PXN: variants seen among roughly 807,000 people sequenced by gnomAD.
The protein encoded by PXN is testicular tissue protein Li 134.
PXN carries 61 observed loss-of-function variants against 103.6 expected under a neutral mutation model. The ratio of observed to expected loss-of-function variants is 0.59; its 90% confidence interval spans 0.48 to 0.73. PXN has a LOEUF of 0.73. Ranked by LOEUF, PXN falls within the 30% of genes least tolerant of loss-of-function variation. PXN has a pLI of 0.00. For missense variants in PXN, 1,274 were observed against 1,460.3 expected (o/e 0.87, Z 2.08); for synonymous variants, 562 against 607.8 (o/e 0.92, Z 1.11).
In PXN at chr12:120,265,299, G is replaced by A. The variant is rs921338526; in HGVS notation, c.13+318C>T. Among the ~76,000 whole-genome samples the A allele has an allele frequency of 3.3e-5, 5 of 152,234 alleles. No homozygotes were observed. Among genetic ancestry groups the A allele is most frequent in the Admixed American group, 6.5e-5 (1 of 15,302 alleles). On this transcript the variant is annotated intron_variant, in intron 1 of 14. Coordinates refer to ENST00000637617, the MANE Select transcript of PXN (RefSeq NM_001385981.1). This position sits in a 1 kb window ranked among gnomAD's most constrained non-coding sequence, Gnocchi z 5.7. ...GGAAGTCTCGTCCCTGCAGCGGACG[G>A]GGTGGGTCCCTGAGGGGCGGGCTGG...
In PXN at chr12:120,229,592, C is replaced by T. The variant is rs1245910857; in HGVS notation, c.14-5215G>A. On this transcript the variant is annotated intron_variant, in intron 1 of 14. Coordinates refer to ENST00000637617, the MANE Select transcript of PXN (RefSeq NM_001385981.1). The surrounding 1 kb of genome is among the most constrained non-coding windows in gnomAD (Gnocchi z 4.0). Reference sequence around the variant, plus strand: ...CTTGTCTGCCCAATAGGAATTCCACCATTTTACTCACAGGATTGGGACTAC... The same window carrying T: ...CTTGTCTGCCCAATAGGAATTCCACTATTTTACTCACAGGATTGGGACTAC... Among the ~76,000 whole-genome samples the T allele has an allele frequency of 6.6e-6, 1 of 152,166 alleles. No individual in the cohort carries two copies. Among genetic ancestry groups the T allele is most frequent in the Non-Finnish European group, 1.5e-5 (1 of 68,036 alleles).
In PXN at chr12:120,262,163, C is replaced by A. The variant is rs150346524; in HGVS notation, c.13+3454G>T. Among the ~76,000 whole-genome samples, 70 of 152,300 alleles carry A rather than the reference C, an allele frequency of 4.6e-4. No homozygotes were observed. The South Asian group carries it at 5.6e-3, about 12-fold the overall frequency. On this transcript the variant is annotated intron_variant, in intron 1 of 14. Coordinates refer to ENST00000637617, the MANE Select transcript of PXN (RefSeq NM_001385981.1). ...ATGCCCCAGGCAACTCCTCTGCCCC[C>A]CTAGCACTACCCCCAAGGACAATGA...
intron 1 of PXN, among the ~76,000 whole-genome samples, chr12:120,254,567 T>C (rs1328555463): frequency 1.3e-5 from 2 of 152,172 alleles, no homozygotes; most frequent in African/African-American, 4.8e-5. Context: ...TTTGTTTTTT[T>C]TGAAATGGAG....
chr12:120,255,601 G>C (rs1404588490), intron 1 of PXN, among the ~76,000 whole-genome samples: 83 of 152,020 alleles, frequency 5.5e-4, no homozygotes, highest in Non-Finnish European at 2.1e-4. Flanking sequence ...GGCTGAGGCA[G>C]AAGAATCACT....
At chr12:120,223,601 AC>A in intron 3 of PXN, 116 bp downstream of exon 3, 1 of 717,006 alleles carries the variant, frequency 1.4e-6, no homozygotes, top group Non-Finnish European at 2.3e-6. Context: ...AACCAGAATA[AC>A]CCCACAAGGC....
In PXN at chr12:120,245,223, C is replaced by T. The variant is rs139202990; in HGVS notation, c.13+20394G>A. ...AGCTGGAATGTGCGATTTTCTCAAA[C>T]GTGCACCACCGGAATGTGTCAGCAA... is the stretch of plus-strand genomic sequence containing the variant. On this transcript the variant is annotated intron_variant, in intron 1 of 14. Coordinates refer to ENST00000637617, the MANE Select transcript of PXN (RefSeq NM_001385981.1). 2.7e-3 allele frequency among the ~76,000 whole-genome samples: 418 copies of T among 152,218 alleles called. 1 individual carries two copies. Among genetic ancestry groups the T allele is most frequent in the African/African-American group, 8.5e-3 (354 of 41,512 alleles).
At chr12:120,233,627 C>T (rs1319459446) in intron 1 of PXN, among the ~76,000 whole-genome samples, 1 of 152,148 alleles carries the variant, frequency 6.6e-6, no homozygotes, top group East Asian at 1.9e-4. Context: ...CTTAGAGGGG[C>T]TTGAATGAAT....
intron 1 of PXN, among the ~76,000 whole-genome samples, chr12:120,241,110 G>A (rs1488820761): frequency 6.6e-6 from 1 of 152,168 alleles, no homozygotes; most frequent in Non-Finnish European, 1.5e-5. Context: ...CACTACTCTG[G>A]GGAGAGATCC....
intron 1 of PXN, among the ~76,000 whole-genome samples, chr12:120,246,514 C>CAAAAAAAAA (rs139689226): frequency 3.4e-5 from 2 of 58,326 alleles, no homozygotes; most frequent in African/African-American, 6.2e-5. Flanking sequence ...GACTCTGTCT[C>CAAAAAAAAA]AAAAAAAAAA....
In PXN at chr12:120,222,878, G is replaced by A. The variant is rs1207497949; in HGVS notation, c.478C>T (p.Pro160Ser). 1 of 1,613,756 alleles carries A rather than the reference G, an allele frequency of 6.2e-7. No individual in the cohort carries two copies. The highest frequency in any genetic ancestry group is 8.5e-7 in the Non-Finnish European group (1 of 1,179,830). Residue 160 changes from proline to serine, a missense_variant, in exon 4 of 15, where the codon CCA becomes TCA. Around this residue, in one of 2 missense-constraint regions of PXN, gnomAD observed 1,178 missense variants for 1,309.0 expected, o/e 0.90. Coordinates refer to ENST00000637617, the MANE Select transcript of PXN (RefSeq NM_001385981.1). The surrounding 1 kb of genome is among the most constrained non-coding windows in gnomAD (Gnocchi z 4.7). Reference protein sequence around the residue: ...LELNAVQHNPPGFPADEANSS... With the variant: ...LELNAVQHNPSGFPADEANSS... ...CCGGTCCTACCTGCAGGGAAGCCTG[G>A]CGGGTTATGCTGTACAGCGTTCAGT...
rs574981818 is a variant in PXN, at chr12:120,249,137, A to AAAAT, written c.13+16476_13+16479dup. 1.9e-3 allele frequency among the ~76,000 whole-genome samples: 286 copies of AAAAT among 152,196 alleles called. 1 individual carries two copies. Among genetic ancestry groups the AAAAT allele is most frequent in the African/African-American group, 6.0e-3 (248 of 41,522 alleles). On this transcript the variant is annotated intron_variant, in intron 1 of 14. Transcript: ENST00000637617. ...GGGCGACAGAGCAAGACTCTGTCTC[A>AAAAT]AAATAAATAAATAAATAAATAATAA...
intron 1 of PXN, among the ~76,000 whole-genome samples, chr12:120,241,224 T>C (rs1030842502): frequency 6.6e-6 from 1 of 152,220 alleles, no homozygotes; most frequent in Non-Finnish European, 1.5e-5. Flanking sequence ...GCTTGGTCCT[T>C]TGAAGACAAG....
At chr12:120,263,999 C>T (rs1435854989) in intron 1 of PXN, among the ~76,000 whole-genome samples, 1 of 152,084 alleles carries the variant, frequency 6.6e-6, no homozygotes, top group East Asian at 1.9e-4. Flanking sequence ...ATCCCCCAGC[C>T]TCCTTCCAGC....
At chr12:120,226,609 G>A in intron 1 of PXN, 1 of 1,188,992 alleles carries the variant, frequency 8.4e-7, no homozygotes, top group South Asian at 1.6e-5. Flanking sequence ...TTTATGGATT[G>A]GATTCAGGTT....
intron 1 of PXN, among the ~76,000 whole-genome samples, chr12:120,237,340 G>A (rs994116943): frequency 6.6e-6 from 1 of 152,042 alleles, no homozygotes; most frequent in African/African-American, 2.4e-5. Flanking sequence ...TATATTTTTA[G>A]TAGAGATAGG....
intron 1 of PXN, among the ~76,000 whole-genome samples, chr12:120,257,672 G>T (rs752006263): frequency 6.6e-6 from 1 of 152,212 alleles, no homozygotes; most frequent in Non-Finnish European, 1.5e-5. Context: ...AACTAGACAG[G>T]AGGGACCAAG....
At chr12:120,232,337 T>C (rs1888213389) in intron 1 of PXN, among the ~76,000 whole-genome samples, 1 of 152,208 alleles carries the variant, frequency 6.6e-6, no homozygotes, top group African/African-American at 2.4e-5. Flanking sequence ...GTCTCTTTCA[T>C]ATTGTAAATA....
intron 1 of PXN, among the ~76,000 whole-genome samples, chr12:120,241,188 C>T (rs1237364934): frequency 1.3e-5 from 2 of 152,188 alleles, no homozygotes; most frequent in African/African-American, 4.8e-5. Flanking sequence ...CCTGACAGTG[C>T]ACCACCCTGC....
At chr12:120,263,511 A>G (rs1894204032) in intron 1 of PXN, among the ~76,000 whole-genome samples, 1 of 152,208 alleles carries the variant, frequency 6.6e-6, no homozygotes, top group African/African-American at 2.4e-5. Flanking sequence ...AGAGCCACAG[A>G]TCTGGGAGCT....
Sources: allele counts gnomAD v4.1 joint callset (sites outside exome capture counted in the v4.1 genomes callset), GRCh38; gene constraint gnomAD v4.1.1; regional missense constraint gnomAD v4.1.1; non-coding constraint Gnocchi (gnomAD v3.1); transcripts MANE v1.5; gene names NCBI Gene and HGNC (gene_info 2026-07-23, HGNC 2026-07-21).